PSTPIP2: variants seen among roughly 807,000 people sequenced by gnomAD.
PSTPIP2 encodes the protein proline-serine-threonine phosphatase interacting protein 2, also known as proline-serine-threonine phosphatase-interacting protein 2.
Under a neutral mutation model 63.3 loss-of-function variants are expected in PSTPIP2, and 33 were observed. The ratio of observed to expected loss-of-function variants is 0.52; its 90% CI spans 0.40 to 0.70. The LOEUF (loss-of-function observed/expected upper bound fraction) is 0.70, where lower values mean the gene tolerates loss of function less well. Among genes scored for constraint, PSTPIP2 ranks in the 30% least tolerant of loss-of-function variants. The pLI, the probability that PSTPIP2 is intolerant of heterozygous loss-of-function variation, is 0.00. For synonymous variants in PSTPIP2, 125 were observed against 132.7 expected, an observed-to-expected ratio of 0.94 and a Z score of 0.40; for missense variants, 312 against 400.7, an observed-to-expected ratio of 0.78 and a Z score of 1.89.
At chr18:46,028,578 G>A (rs970014194) in intron 2 of PSTPIP2, 3 of 751,674 alleles carry the variant, frequency 4.0e-6, no homozygotes, top group African/African-American at 3.5e-5. Context: ...GGGAGACTCA[G>A]AAGCGGAGAA....
intron 5 of PSTPIP2, among the ~76,000 whole-genome samples, chr18:46,009,214 T>G (rs945726727): frequency 1.3e-5 from 2 of 152,078 alleles, no homozygotes; most frequent in Non-Finnish European, 2.9e-5. Context: ...GCACCTCTTG[T>G]GCCCTCATTT....
chr18:46,060,963 G>A (rs1405688978), intron 1 of PSTPIP2, among the ~76,000 whole-genome samples: 4 of 152,300 alleles, frequency 2.6e-5, no homozygotes, highest in Admixed American at 1.3e-4. Flanking sequence ...AATGGTCAGT[G>A]GTTGGCAGAT....
At position 45,999,493 on chromosome 18, in the gene PSTPIP2, C is replaced by T. The variant is rs1316023097; in HGVS notation, c.459G>A (p.Glu153=). The change falls in exon 7 of 15, where the codon GAG becomes GAA. Residue 153 remains glutamate (E), a synonymous_variant. Coordinates refer to ENST00000409746, the MANE Select transcript of PSTPIP2 (RefSeq NM_024430.4). ...CACTCCGGCTGACGGCCTGTTCTGCCTCATCTTTGTCCCGGCATTTCTGCT... is the reference window on the plus strand; with the variant it reads ...CACTCCGGCTGACGGCCTGTTCTGCTTCATCTTTGTCCCGGCATTTCTGCT... The part of the protein sequence containing the change: ...NYEQKCRDKD[E]AEQAVSRSAN... 6.2e-7 allele frequency: 1 copy of T among 1,614,218 alleles called. No individual in the cohort carries two copies. Among genetic ancestry groups the T allele is most frequent in the South Asian group, 1.1e-5 (1 of 91,090 alleles).
chr18:46,060,394 T>C (rs779027464), intron 1 of PSTPIP2, among the ~76,000 whole-genome samples: 42 of 152,212 alleles, frequency 2.8e-4, no homozygotes, highest in Non-Finnish European at 5.4e-4. Flanking sequence ...AACACAACTA[T>C]GACGTACTTT....
At chr18:45,996,355 A>C (rs749266694) in intron 9 of PSTPIP2, among the ~76,000 whole-genome samples, 2 of 152,214 alleles carry the variant, frequency 1.3e-5, no homozygotes, top group Non-Finnish European at 2.9e-5. Context: ...GCTTATTAGC[A>C]CAGAGATTGC....
At position 46,009,390 on chromosome 18, in the gene PSTPIP2, A is replaced by C. The variant is rs989829554; in HGVS notation, c.354+1791T>G. On this transcript the variant is annotated intron_variant, in intron 5 of 14. Coordinates refer to ENST00000409746, the MANE Select transcript of PSTPIP2 (RefSeq NM_024430.4). Reference sequence around the variant, plus strand: ...AAAAAAAAAAAAAAAAAAAAAAAAAAACCTAGCTAAATACGGAAGTGGTAA... The same window carrying C: ...AAAAAAAAAAAAAAAAAAAAAAAAACACCTAGCTAAATACGGAAGTGGTAA... Among the ~76,000 whole-genome samples, 20 of 43,834 alleles carry C rather than the reference A, an allele frequency of 4.6e-4. No homozygotes were observed. In the South Asian group the frequency reaches 6.2e-3, roughly 14 times the overall value. The allele number at this position is 43,834 out of a possible 152,430, so 28.8% of individuals were successfully genotyped here. A position where few individuals can be genotyped will look rare whatever the true frequency, so the allele number is the denominator to read the frequency against.
intron 1 of PSTPIP2, among the ~76,000 whole-genome samples, chr18:46,058,412 A>G (rs1354006657): frequency 6.6e-6 from 1 of 151,864 alleles, no homozygotes; most frequent in East Asian, 1.9e-4. Context: ...GCTGGAGTGT[A>G]GTAGCACGAT....
chr18:46,049,220 A>G (rs580339), intron 1 of PSTPIP2, among the ~76,000 whole-genome samples: 1 of 152,170 alleles, frequency 6.6e-6, no homozygotes, highest in Non-Finnish European at 1.5e-5. Context: ...ACAGATAACC[A>G]AATACCACAC....
At position 46,036,416 on chromosome 18, in the gene PSTPIP2, G is replaced by A. The variant is rs541013994; in HGVS notation, c.134+3531C>T. ...AGGAGTAATATGGTTTGAAACCTAG[G>A]AAAGCTGGGCCTTGGAATCTGCCCT... On this transcript the variant is annotated intron_variant, in intron 2 of 14. Coordinates refer to ENST00000409746, the MANE Select transcript of PSTPIP2 (RefSeq NM_024430.4). Among the ~76,000 whole-genome samples the A allele has an allele frequency of 2.3e-4, 35 of 152,240 alleles. No homozygotes were observed. In the South Asian group the frequency reaches 5.8e-3, roughly 25 times the overall value.
rs111233251 is a variant in PSTPIP2, at chr18:46,019,751, C to A, written c.213-3814G>T. On this transcript the variant is annotated intron_variant, in intron 3 of 14. Transcript: ENST00000409746. The stretch of plus-strand genomic sequence containing the variant: ...CGGAAGCAGAGGTTGTAGTGAGCCA[C>A]GATTGCACCACTGCACTCCAGCCTG... Among the ~76,000 whole-genome samples, 1,393 of 152,150 alleles carry A rather than the reference C, an allele frequency of 9.2e-3. 20 individuals carry two copies. Among genetic ancestry groups the A allele is most frequent in the Admixed American group, 0.032 (485 of 15,278 alleles).
At chr18:46,054,662 A>ATTTTTT (rs1908692754) in intron 1 of PSTPIP2, among the ~76,000 whole-genome samples, 1 of 129,436 alleles carries the variant, frequency 7.7e-6, no homozygotes, top group East Asian at 2.8e-4. Context: ...AAAACCTACT[A>ATTTTTT]ATTTTTTTTT....
At chr18:46,044,973 C>G (rs1945345472) in intron 1 of PSTPIP2, among the ~76,000 whole-genome samples, 1 of 152,204 alleles carries the variant, frequency 6.6e-6, no homozygotes, top group Admixed American at 6.5e-5. Context: ...CATCTCACAC[C>G]AGTTAGAATG....
chr18:46,061,204 T>C (rs1395378973), intron 1 of PSTPIP2, among the ~76,000 whole-genome samples: 1 of 151,442 alleles, frequency 6.6e-6, no homozygotes, highest in Non-Finnish European at 1.5e-5. Flanking sequence ...CTCAGGAGGC[T>C]GAGGCAGGAG....
intron 5 of PSTPIP2, among the ~76,000 whole-genome samples, chr18:46,009,382 A>C (rs1386265557): frequency 7.4e-6 from 1 of 135,176 alleles, no homozygotes; most frequent in Non-Finnish European, 1.5e-5. Context: ...AAAAAAAAAA[A>C]AAAAAAAAAC....
chr18:46,064,282 CTTTTTTTTTTTT>C (rs56236802), intron 1 of PSTPIP2, among the ~76,000 whole-genome samples: 2 of 71,526 alleles, frequency 2.8e-5, no homozygotes, highest in Non-Finnish European at 4.8e-5. Flanking sequence ...CTTTTTCTTT[CTTTTTTTTTTTT>C]TTTTTTTTTT....
intron 2 of PSTPIP2, among the ~76,000 whole-genome samples, chr18:46,026,271 G>T (rs984663203): frequency 2.0e-5 from 3 of 152,202 alleles, no homozygotes; most frequent in African/African-American, 4.8e-5. Context: ...GTGAGAGGGA[G>T]GTTGAAGAAA....
intron 10 of PSTPIP2, among the ~76,000 whole-genome samples, chr18:45,993,160 T>A (rs979907520): frequency 5.9e-5 from 9 of 152,216 alleles, no homozygotes; most frequent in African/African-American, 2.2e-4. Context: ...AGTGGCACGA[T>A]CTTGGCTCAC....
At chr18:46,016,024 C>G in intron 3 of PSTPIP2, 87 bp from the exon 4 acceptor site, 3 of 1,458,880 alleles carry the variant, frequency 2.1e-6, no homozygotes, top group Non-Finnish European at 2.8e-6. Flanking sequence ...TTCTCTCTGC[C>G]CATATCTTAA....
At chr18:46,010,955 C>A in intron 5 of PSTPIP2, 1 of 475,630 alleles carries the variant, frequency 2.1e-6, no homozygotes, top group South Asian at 3.3e-5. Context: ...GGAATGCAAG[C>A]TGGACCTCTG....
Sources: gnomAD v4.1 joint callset for allele counts (sites outside exome capture counted in the v4.1 genomes callset) on GRCh38, gnomAD v4.1.1 for gene constraint, MANE v1.5 for transcripts, NCBI Gene and HGNC (gene_info 2026-07-23, HGNC 2026-07-21) for gene names.